Variants in HTR2C observed in about 807,000 individuals in gnomAD.
HTR2C encodes 5-hydroxytryptamine (serotonin) receptor 2C, G protein-coupled.
In HTR2C, 5 loss-of-function variants were observed where a neutral mutation model predicts 21.0. That is an observed-to-expected ratio of 0.24 (90% CI 0.12 to 0.50). HTR2C has a LOEUF of 0.50. Ranked by LOEUF, HTR2C falls within the 20% of genes least tolerant of loss-of-function variation. HTR2C has a pLI of 0.98. For synonymous variants in HTR2C, 150 were observed against 145.3 expected, an observed-to-expected ratio of 1.03 and a Z score of -0.23; for missense variants, 271 against 371.2, an observed-to-expected ratio of 0.73 and a Z score of 2.22.
At chrX:114,825,042 A>G (rs1486047267) in intron 4 of HTR2C, among the ~76,000 whole-genome samples, 1 of 111,852 alleles carries the variant, frequency 8.9e-6, no homozygotes, top group Non-Finnish European at 1.9e-5. Flanking sequence ...TGAGAGGTTT[A>G]TCAGTTTTAT....
chrX:114,596,836 T>C (rs1002950140), intron 1 of HTR2C, among the ~76,000 whole-genome samples: 1 of 111,915 alleles, frequency 8.9e-6, no homozygotes, highest in Admixed American at 9.5e-5. Context: ...TTGTCCTCAG[T>C]CAGATCTTAA....
chrX:114,732,514 A>G (rs782557278), intron 4 of HTR2C, among the ~76,000 whole-genome samples: 15 of 111,334 alleles, frequency 1.3e-4, no homozygotes, highest in Admixed American at 5.8e-4. Flanking sequence ...AAATAAATGC[A>G]TCTAGAAAAT....
chrX:114,897,528 A>G (rs1159767081), intron 5 of HTR2C, among the ~76,000 whole-genome samples: 1 of 111,558 alleles, frequency 9.0e-6, no homozygotes, highest in Non-Finnish European at 1.9e-5. Flanking sequence ...TAAGCTCAGC[A>G]TCCATTAGCT....
In HTR2C at chrX:114,627,161, T is replaced by C. The variant is rs192055718; in HGVS notation, c.-80+13280T>C. Among the ~76,000 whole-genome samples the C allele has an allele frequency of 3.6e-5, 4 of 111,777 alleles. No individual in the cohort carries two copies. The East Asian group carries it at 1.1e-3, about 32-fold the overall frequency. On this transcript the variant is annotated intron_variant, in intron 2 of 5. Transcript: ENST00000276198. Reference sequence around the variant, plus strand: ...CTTCAATTAACATATCAAAATACTCTTGTCACAAGGAAAGAATGTTGTTCA... The same window carrying C: ...CTTCAATTAACATATCAAAATACTCCTGTCACAAGGAAAGAATGTTGTTCA...
chrX:114,764,913 TTCTTTCTTTCTTTTCCTTCCTTCC>T (rs1211693533), intron 4 of HTR2C, among the ~76,000 whole-genome samples: 3,618 of 72,418 alleles, frequency 0.05, 93 homozygotes, highest in South Asian at 0.11. Flanking sequence ...CTTTCTTTCT[TTCTTTCTTTCTTTTCCTTCCTTCC>T]TTCCTTCCTT....
At chrX:114,894,175 C>T (rs782426378) in intron 5 of HTR2C, among the ~76,000 whole-genome samples, 4 of 110,794 alleles carry the variant, frequency 3.6e-5, no homozygotes, top group African/African-American at 1.0e-4. Flanking sequence ...CCAAATGATA[C>T]GAAACTATAT....
chrX:114,743,935 A>C (rs928554081), intron 4 of HTR2C, among the ~76,000 whole-genome samples: 1 of 111,858 alleles, frequency 8.9e-6, no homozygotes, highest in African/African-American at 3.2e-5. Context: ...AAGAGTACAT[A>C]CTACGTGTCC....
intron 2 of HTR2C, among the ~76,000 whole-genome samples, chrX:114,614,815 G>C (rs1928890258): frequency 9.0e-6 from 1 of 111,604 alleles, no homozygotes; most frequent in Non-Finnish European, 1.9e-5. Flanking sequence ...ATGATTATTT[G>C]ATTGGGTAAA....
intron 4 of HTR2C, among the ~76,000 whole-genome samples, chrX:114,761,246 G>T (rs1556432226): frequency 9.0e-6 from 1 of 111,221 alleles, no homozygotes; most frequent in Non-Finnish European, 1.9e-5. Flanking sequence ...AATGTATTAG[G>T]CTTGGTTTTC....
Position 114,775,758 on chromosome X carries a change from G to A in HTR2C, c.349+44151G>A. On this transcript the variant is annotated intron_variant, in intron 4 of 5. Transcript: ENST00000276198. Reference sequence around the variant, plus strand: ...AGAAGCTTCTGAATCTTGGGGATATGAGTATAACCACCAATAGAGACAATA... The same window carrying A: ...AGAAGCTTCTGAATCTTGGGGATATAAGTATAACCACCAATAGAGACAATA... The A allele has an allele frequency of 6.1e-6, 3 of 491,513 alleles. No homozygotes were observed. In the South Asian group the frequency reaches 9.0e-5, roughly 15 times the overall value. The allele number at this position is 491,513 out of a possible 1,213,427, so 40.5% of individuals were successfully genotyped here. A position where few individuals can be genotyped will look rare whatever the true frequency, so the allele number is the denominator to read the frequency against.
chrX:114,616,026 C>T (rs1281160596), intron 2 of HTR2C, among the ~76,000 whole-genome samples: 1 of 111,596 alleles, frequency 9.0e-6, no homozygotes, highest in Non-Finnish European at 1.9e-5. Flanking sequence ...TACTTCACTT[C>T]TCTGTAAGGC....
chrX:114,777,836 G>A, intron 4 of HTR2C, among the ~76,000 whole-genome samples: 1 of 111,797 alleles, frequency 8.9e-6, no homozygotes, highest in Non-Finnish European at 1.9e-5. Context: ...GGGATTACAG[G>A]GTGGAGAGGT....
At chrX:114,610,513 C>G (rs1556398337) in intron 1 of HTR2C, among the ~76,000 whole-genome samples, 1 of 111,732 alleles carries the variant, frequency 8.9e-6, no homozygotes, top group South Asian at 3.7e-4. Context: ...CTTAATGTCA[C>G]CTCATAAATC....
chrX:114,866,446 A>C (rs1257260724), intron 5 of HTR2C, among the ~76,000 whole-genome samples: 1 of 110,481 alleles, frequency 9.1e-6, no homozygotes, highest in Non-Finnish European at 1.9e-5. Context: ...TGAAATAAGC[A>C]CATAATGGGG....
rs73222945 is a variant in HTR2C at position 114,656,154 on chromosome X, A to G, written c.-80+42273A>G. Among the ~76,000 whole-genome samples the G allele has an allele frequency of 2.1e-3, 233 of 110,825 alleles. 1 individual carries two copies. The Middle Eastern group carries it at 0.028, about 13-fold the overall frequency. On this transcript the variant is annotated intron_variant, in intron 2 of 5. Coordinates refer to ENST00000276198, the MANE Select transcript of HTR2C (RefSeq NM_000868.4). ...CTATTACCTTTTCTGAACTTCTTGTATCACAGAATCACCTATCATTTTATT... is the reference window on the plus strand; with the variant it reads ...CTATTACCTTTTCTGAACTTCTTGTGTCACAGAATCACCTATCATTTTATT...
chrX:114,907,612 T>G lies in HTR2C; in HGVS notation c.*197T>G, dbSNP rs369822525. 2.9e-6 allele frequency: 1 copy of G among 342,645 alleles called. No individual in the cohort carries two copies. The highest frequency in any genetic ancestry group is 5.1e-6 in the Non-Finnish European group (1 of 197,377). 28.2% of individuals were successfully genotyped at this position (342,645 alleles called of 1,213,427 possible). On this transcript the variant is annotated 3_prime_UTR_variant, in exon 6 of 6. Transcript: ENST00000276198. The stretch of plus-strand genomic sequence containing the variant: ...AGGGTTCTATATTTACTGTTTATAA[T>G]AGGTGGAGACTAACTTATTTTGATT...
At chrX:114,672,193 G>A (rs782350794) in intron 2 of HTR2C, among the ~76,000 whole-genome samples, 4 of 111,736 alleles carry the variant, frequency 3.6e-5, no homozygotes, top group African/African-American at 1.3e-4. Context: ...CTGAAATGTG[G>A]TGTATAATCA....
chrX:114,775,703 T>C, intron 4 of HTR2C: 1 of 615,673 alleles, frequency 1.6e-6, no homozygotes, highest in Non-Finnish European at 2.6e-6. Flanking sequence ...GATGCTCTTA[T>C]TCAGTTCTTT....
At chrX:114,704,911 T>C (rs185503525) in intron 2 of HTR2C, among the ~76,000 whole-genome samples, 4,992 of 106,497 alleles carry the variant, frequency 0.047, 147 homozygotes, top group Non-Finnish European at 0.072. Flanking sequence ...TATACACCAA[T>C]AACAGACAAA....
Sources: gnomAD v4.1 joint callset for allele counts (sites outside exome capture counted in the v4.1 genomes callset) on GRCh38, gnomAD v4.1.1 for gene constraint, MANE v1.5 for transcripts, NCBI Gene and HGNC (gene_info 2026-07-23, HGNC 2026-07-21) for gene names.